Variants in BAIAP3 observed in about 807,000 individuals in gnomAD.
BAIAP3 encodes the protein BAI1 associated protein 3, also known as BAI1-associated protein 3.
A neutral mutation model predicts 149.7 loss-of-function variants in BAIAP3; 180 were observed. The ratio of observed to expected loss-of-function variants is 1.20; its 90% CI spans 1.07 to 1.36. BAIAP3 has a LOEUF of 1.36. Among genes scored for constraint, BAIAP3 ranks in the 40% most tolerant of loss-of-function variants. The pLI, the probability that BAIAP3 is intolerant of heterozygous loss-of-function variation, is 0.00. For synonymous variants in BAIAP3, 845 were observed against 670.7 expected, an observed-to-expected ratio of 1.26 and a Z score of -4.02; for missense variants, 1,767 against 1,563.4, an observed-to-expected ratio of 1.13 and a Z score of -2.20.
rs1326047422 is a variant in BAIAP3, at chr16:1,341,805, C to G, written c.732-17C>G. 6.2e-7 allele frequency: 1 copy of G among 1,611,368 alleles called. No homozygotes were observed. The highest frequency in any genetic ancestry group is 2.2e-5 in the East Asian group (1 of 44,856). On this transcript the variant is annotated splice_polypyrimidine_tract_variant and intron_variant, in intron 8 of 33. Transcript: ENST00000426824. ...CCTCGCCGGGGACCCTCATGGGCAT[C>G]TCTGTTCTCCTTGTAGCGAGATTGA...
chr16:1,339,671 G>T (rs2033722930), intron 5 of BAIAP3, 68 bp downstream of exon 5: 2 of 1,239,206 alleles, frequency 1.6e-6, no homozygotes, highest in Admixed American at 3.9e-5. Context: ...CCCACCCACT[G>T]ACACCATCAT....
Position 1,344,526 on chromosome 16 carries a change from G to T in BAIAP3, c.1659+1G>T. The T allele has an allele frequency of 6.2e-7, 1 of 1,612,960 alleles. No individual in the cohort carries two copies. ...GAATGACAAGAGTCCCCGAGAGCAG[G>T]TGCAGTTGTGGGGGACCCTGGCCAT... On this transcript the variant is annotated splice_donor_variant, in intron 18 of 33. Transcript: ENST00000426824. LOFTEE classifies it high-confidence loss of function.
chr16:1,344,972 G>A lies in BAIAP3; in HGVS notation c.1813G>A (p.Ala605Thr), dbSNP rs1366999377. ...LTFRQLERLV[A>T]EEAWVLTEEL... ...CTGATCCTGCTGTCCCGGACAGGTGGCTGAGGAGGCGTGGGTGCTGACGGA... is the reference window on the plus strand; with the variant it reads ...CTGATCCTGCTGTCCCGGACAGGTGACTGAGGAGGCGTGGGTGCTGACGGA... The change falls in exon 21 of 34, where the codon GCT becomes ACT. Residue 605 changes from alanine to threonine, a missense_variant. Ala to Thr is a moderately conservative substitution (Grantham distance 58). Coordinates refer to ENST00000426824, the MANE Select transcript of BAIAP3 (RefSeq NM_001199097.2). 1 of 1,613,076 alleles carries A rather than the reference G, an allele frequency of 6.2e-7. No individual in the cohort carries two copies. Among genetic ancestry groups the A allele is most frequent in the Non-Finnish European group, 8.5e-7 (1 of 1,180,010 alleles).
rs1268662662 is a variant in BAIAP3 at position 1,342,742 on chromosome 16, C to G, written c.1089C>G (p.Arg363=). The G allele has an allele frequency of 1.2e-6, 2 of 1,612,486 alleles. No individual in the cohort carries two copies. The highest frequency in any genetic ancestry group is 2.2e-5 in the South Asian group (2 of 91,066). Residue 363 remains arginine (R), a synonymous_variant, in exon 13 of 34, where the codon CGC becomes CGG. Coordinates refer to ENST00000426824, the MANE Select transcript of BAIAP3 (RefSeq NM_001199097.2). The part of the protein sequence containing the change: ...TTQRDTAMSQ[R]GRSGFLSHLL... Reference sequence around the variant, plus strand: ...AGAGGGATACGGCCATGAGCCAGCGCGGGCGATCCGGCTTCCTGTCCCACC... The same window carrying G: ...AGAGGGATACGGCCATGAGCCAGCGGGGGCGATCCGGCTTCCTGTCCCACC...
At position 1,342,711 on chromosome 16, in the gene BAIAP3, C is replaced by T. The variant is rs1343380892; in HGVS notation, c.1066-8C>T. 2 of 1,612,260 alleles carry T rather than the reference C, an allele frequency of 1.2e-6. No homozygotes were observed. Among genetic ancestry groups the T allele is most frequent in the Non-Finnish European group, 1.7e-6 (2 of 1,179,958 alleles). On this transcript the variant is annotated splice_region_variant and splice_polypyrimidine_tract_variant and intron_variant, in intron 12 of 33. Transcript: ENST00000426824. ...AGAGCTGGTGACTGGGTGGGCTCTG[C>T]GTTGCAGAGGGATACGGCCATGAGC...
Position 1,346,601 on chromosome 16 carries a change from G to A in BAIAP3, c.2563-4G>A, listed in dbSNP as rs767074057. The A allele has an allele frequency of 1.7e-5, 26 of 1,555,634 alleles. No homozygotes were observed. Among genetic ancestry groups the A allele is most frequent in the South Asian group, 1.4e-4 (12 of 84,774 alleles). On this transcript the variant is annotated splice_polypyrimidine_tract_variant and splice_region_variant and intron_variant, in intron 26 of 33. Transcript: ENST00000426824. ...AAGCCTGGCCTGACCACCCCTGCCCGCAGGCCGTGGCCCCGCTCATGAAGT... is the reference window on the plus strand; with the variant it reads ...AAGCCTGGCCTGACCACCCCTGCCCACAGGCCGTGGCCCCGCTCATGAAGT...
chr16:1,345,700 A>AGCCTCCCCT lies in BAIAP3; in HGVS notation c.2065-38_2065-30dup, dbSNP rs753004070. The stretch of plus-strand genomic sequence containing the variant: ...CAACCCCCGCCTCCCCCACCTCCCC[A>AGCCTCCCCT]GCCTCCCCTGCCTCCCCAGCAAACC... On this transcript the variant is annotated intron_variant, in intron 22 of 33. Transcript: ENST00000426824. 5.9e-5 allele frequency: 13 copies of AGCCTCCCCT among 220,516 alleles called. No homozygotes were observed. The Admixed American group carries it at 2.6e-3, about 44-fold the overall frequency. 13.7% of individuals were successfully genotyped at this position (220,516 alleles called of 1,614,324 possible).
At position 1,341,318 on chromosome 16, in the gene BAIAP3, T is replaced by C. The variant is rs1464913615; in HGVS notation, c.560T>C (p.Leu187Pro). ...GGCTTCAGCGACCCATACTGCATGC[T>C]GGGCATCCTGCCTGCCTCGGACGCC... Reference protein sequence around the residue: ...PNGFSDPYCMLGILPASDATR... With the variant: ...PNGFSDPYCMPGILPASDATR... The change falls in exon 8 of 34, where the codon CTG becomes CCG. Residue 187 changes from leucine (L) to proline (P), a missense_variant. Physicochemically the swap from Leu to Pro is moderately conservative, Grantham distance 98 (BLOSUM62 -3). Coordinates refer to ENST00000426824, the MANE Select transcript of BAIAP3 (RefSeq NM_001199097.2). 1 of 1,611,240 alleles carries C rather than the reference T, an allele frequency of 6.2e-7. No individual in the cohort carries two copies. Among genetic ancestry groups the C allele is most frequent in the Non-Finnish European group, 8.5e-7 (1 of 1,179,286 alleles).
In BAIAP3 at chr16:1,346,471, G is replaced by A. The variant is rs1435744279; in HGVS notation, c.2523G>A (p.Gln841=). 1 of 1,612,418 alleles carries A rather than the reference G, an allele frequency of 6.2e-7. No homozygotes were observed. Among genetic ancestry groups the A allele is most frequent in the Non-Finnish European group, 8.5e-7 (1 of 1,179,714 alleles). Residue 841 remains glutamine, a synonymous_variant, in exon 26 of 34, where the codon CAG becomes CAA. Coordinates refer to ENST00000426824, the MANE Select transcript of BAIAP3 (RefSeq NM_001199097.2). ...TGGGCGACATCCGCAAGTATGTACA[G>A]CACATCAGTCTCTCGCCTGACTCCA... ...KMVGDIRKYV[Q]HISLSPDSIQ... is the part of the protein sequence containing the mutation.
chr16:1,334,715 G>A (rs773163084), intron 1 of BAIAP3: 6 of 1,556,928 alleles, frequency 3.9e-6, no homozygotes, highest in Non-Finnish European at 5.2e-6. Context: ...ACCTGCACCT[G>A]GGCACCGCCA....
intron 28 of BAIAP3, 128 bp from the exon 29 acceptor site, chr16:1,347,170 T>A: frequency 9.6e-7 from 1 of 1,045,166 alleles, no homozygotes; most frequent in South Asian, 1.6e-5. Context: ...CGCCAGGGTG[T>A]GAGAAAGGGC....
chr16:1,345,230 C>G lies in BAIAP3; in HGVS notation c.1941-19C>G. Reference sequence around the variant, plus strand: ...GGTGTCTGAGTCAGGGCCGAGCCCTCACAACCCTCCCACCACAGGGACAGC... The same window carrying G: ...GGTGTCTGAGTCAGGGCCGAGCCCTGACAACCCTCCCACCACAGGGACAGC... On this transcript the variant is annotated intron_variant, in intron 21 of 33. Coordinates refer to ENST00000426824, the MANE Select transcript of BAIAP3 (RefSeq NM_001199097.2). 3 of 1,612,114 alleles carry G rather than the reference C, an allele frequency of 1.9e-6. No homozygotes were observed. In the South Asian group the frequency reaches 3.3e-5, roughly 18 times the overall value.
At chr16:1,344,730 C>T (rs1372767898) in intron 19 of BAIAP3, 32 bp downstream of exon 19, 1 of 1,593,070 alleles carries the variant, frequency 6.3e-7, no homozygotes, top group Admixed American at 1.7e-5. Context: ...TGTCCTGGGG[C>T]TGGGGTCGGA....
chr16:1,348,210 T>C lies in BAIAP3; in HGVS notation c.3264T>C (p.Gly1088=). The C allele has an allele frequency of 6.2e-7, 1 of 1,608,712 alleles. No homozygotes were observed. Among genetic ancestry groups the C allele is most frequent in the East Asian group, 2.2e-5 (1 of 44,840 alleles). The change falls in exon 33 of 34, where the codon GGT becomes GGC. Residue 1088 remains glycine (G), a synonymous_variant. Transcript: ENST00000426824. The part of the protein sequence containing the change: ...DFAGEAALGL[G]GVTGVARPQV... The stretch of plus-strand genomic sequence containing the variant: ...CTGGGGAGGCGGCCCTCGGCCTAGG[T>C]GGCGTCACTGGTGTCGCCCGGCCCC...
chr16:1,342,227 G>A lies in BAIAP3; in HGVS notation c.901G>A (p.Gly301Arg). 6.2e-7 allele frequency: 1 copy of A among 1,612,022 alleles called. No homozygotes were observed. The highest frequency in any genetic ancestry group is 8.5e-7 in the Non-Finnish European group (1 of 1,179,470). The change falls in exon 11 of 34, where the codon GGA becomes AGA. Residue 301 changes from glycine to arginine, a missense_variant. Gly to Arg is a moderately radical substitution (Grantham distance 125, BLOSUM62 -2). Coordinates refer to ENST00000426824, the MANE Select transcript of BAIAP3 (RefSeq NM_001199097.2). ...VKSARANGTA[G>R]PTEDHTDDFL... ...GTCAGCCCGCGCAAACGGGACAGCAGGACCCACCGAGGACCACACCGATGA... is the reference window on the plus strand; with the variant it reads ...GTCAGCCCGCGCAAACGGGACAGCAAGACCCACCGAGGACCACACCGATGA...
rs762445113 is a variant in BAIAP3 at position 1,346,116 on chromosome 16, G to T, written c.2301+38G>T. The stretch of plus-strand genomic sequence containing the variant: ...CTGGGGAGGGGAGCCGGCAGGAGGT[G>T]GGGGGCCATCACCAGGCCCCGGACC... On this transcript the variant is annotated intron_variant, in intron 24 of 33. Transcript: ENST00000426824. 21 of 1,604,542 alleles carry T rather than the reference G, an allele frequency of 1.3e-5. No homozygotes were observed. In the East Asian group the frequency reaches 2.7e-4, roughly 20 times the overall value.
At chr16:1,343,998 C>T (rs2034123308) in intron 15 of BAIAP3, 24 bp from the exon 16 acceptor site, 5 of 1,610,818 alleles carry the variant, frequency 3.1e-6, no homozygotes, top group African/African-American at 1.3e-5. Flanking sequence ...GGGCTGCTGG[C>T]ACTGAAGGGC....
In BAIAP3 at chr16:1,347,985, G is replaced by A. The variant is rs140864312; in HGVS notation, c.3117G>A (p.Thr1039=). The change falls in exon 32 of 34, where the codon ACG becomes ACA. Residue 1039 remains threonine (T), a synonymous_variant. Coordinates refer to ENST00000426824, the MANE Select transcript of BAIAP3 (RefSeq NM_001199097.2). ...AGAGGACCCAGGTGAAGACCCGGAC[G>A]CTGCACCCTGTATACGACGAACTCT... ...RSQRTQVKTR[T]LHPVYDELFY... is the part of the protein sequence containing the mutation. 2.6e-4 allele frequency: 413 copies of A among 1,610,954 alleles called. No homozygotes were observed. Among genetic ancestry groups the A allele is most frequent in the Middle Eastern group, 3.3e-4 (2 of 6,084 alleles).
rs1596573956 is a variant in BAIAP3 at position 1,342,557 on chromosome 16, T to G, written c.988T>G (p.Phe330Val). 1 of 1,554,982 alleles carries G rather than the reference T, an allele frequency of 6.4e-7. No individual in the cohort carries two copies. The highest frequency in any genetic ancestry group is 1.2e-5 in the South Asian group (1 of 84,660). The change falls in exon 12 of 34, where the codon TTC becomes GTC. Residue 330 changes from phenylalanine (F) to valine (V), a missense_variant. Physicochemically the swap from Phe to Val is conservative, Grantham distance 50. Transcript: ENST00000426824. ...EVPVAGVDRWFKLEPRSSASR... is the reference protein window; with the variant it reads ...EVPVAGVDRWVKLEPRSSASR... ...GCCTGTGGCTGGCGTCGACCGCTGGTTCAAGCTGGAGCCACGCTCCAGTGC... is the reference window on the plus strand; with the variant it reads ...GCCTGTGGCTGGCGTCGACCGCTGGGTCAAGCTGGAGCCACGCTCCAGTGC...
Sources: gnomAD v4.1 joint callset for allele counts on GRCh38, gnomAD v4.1.1 for gene constraint, MANE v1.5 for transcripts, NCBI Gene and HGNC (gene_info 2026-07-23, HGNC 2026-07-21) for gene names.